EPB42: variants seen among roughly 807,000 people sequenced by gnomAD.
The protein encoded by EPB42 is erythrocyte membrane protein band 4.2.
Under a neutral mutation model 76.9 loss-of-function variants are expected in EPB42, and 49 were observed. The observed-to-expected ratio is 0.64, with a 90% CI of 0.51 to 0.81. The LOEUF (loss-of-function observed/expected upper bound fraction) is 0.81. EPB42 is among the 30% of genes least tolerant of loss of function. The pLI, the probability that EPB42 is intolerant of heterozygous loss-of-function variation, is 0.00. For missense variants in EPB42, 731 were observed against 867.6 expected (o/e 0.84, Z 1.98); for synonymous variants, 310 against 338.4 (o/e 0.92, Z 0.92).
chr15:43,216,144 C>A, intron 2 of EPB42, 124 bp downstream of exon 2: 1 of 1,209,726 alleles, frequency 8.3e-7, no homozygotes. Flanking sequence ...GCCAGGTGGG[C>A]AGGACTTCTT....
chr15:43,211,653 G>C, intron 3 of EPB42, 119 bp from the exon 4 acceptor site: 1 of 774,062 alleles, frequency 1.3e-6, no homozygotes, highest in South Asian at 1.4e-5. Flanking sequence ...GTCAGCTCTG[G>C]GCCTAATGAA....
chr15:43,220,759 A>G (rs1045323901), intron 1 of EPB42, 57 bp downstream of exon 1: 1 of 1,611,604 alleles, frequency 6.2e-7, no homozygotes, highest in Non-Finnish European at 8.5e-7. Flanking sequence ...AAAACAGGTG[A>G]TGCTGCGGGG....
At position 43,206,083 on chromosome 15, in the gene EPB42, C is replaced by G. The variant is rs193178125; in HGVS notation, c.1618+247G>C. 43 of 484,164 alleles carry G rather than the reference C, an allele frequency of 8.9e-5. No individual in the cohort carries two copies. In the East Asian group the frequency reaches 1.4e-3, roughly 15 times the overall value. 30.0% of individuals were successfully genotyped at this position (484,164 alleles called of 1,614,324 possible). On this transcript the variant is annotated intron_variant, in intron 10 of 12. Coordinates refer to ENST00000441366, the MANE Select transcript of EPB42 (RefSeq NM_001114134.2). This position sits in a 1 kb window ranked among gnomAD's most constrained non-coding sequence, Gnocchi z 4.7. ...TGTACTCTGTTAAACTCAGCAAACACTTCTCACACTGCTACGAAGGGTCTG... is the reference window on the plus strand; with the variant it reads ...TGTACTCTGTTAAACTCAGCAAACAGTTCTCACACTGCTACGAAGGGTCTG...
At chr15:43,207,546 C>A in intron 8 of EPB42, 105 bp from the exon 9 acceptor site, 2 of 1,570,212 alleles carry the variant, frequency 1.3e-6, no homozygotes, top group South Asian at 1.1e-5. Flanking sequence ...TTTCCCTCCA[C>A]GAGGACCAAG....
rs530468563 is a variant in EPB42 at position 43,213,431 on chromosome 15, C to T, written c.430+1664G>A. Among the ~76,000 whole-genome samples, 8 of 152,272 alleles carry T rather than the reference C, an allele frequency of 5.3e-5. No individual in the cohort carries two copies. In the South Asian group the frequency reaches 8.3e-4, roughly 16 times the overall value. ...CAGATGAGCGGAGCCAATGACTCTC[C>T]CCTGCCCAGACAGAGACCTCCACCC... On this transcript the variant is annotated intron_variant, in intron 3 of 12. Coordinates refer to ENST00000441366, the MANE Select transcript of EPB42 (RefSeq NM_001114134.2).
intron 11 of EPB42, among the ~76,000 whole-genome samples, chr15:43,202,817 T>C (rs1049167234): frequency 6.6e-6 from 1 of 152,210 alleles, no homozygotes; most frequent in African/African-American, 2.4e-5. Flanking sequence ...CTGAAAATCC[T>C]CTGGCATGTG....
Position 43,203,109 on chromosome 15 carries a change from G to A in EPB42, c.1779+6C>T, listed in dbSNP as rs1486998414. 1 of 1,614,046 alleles carries A rather than the reference G, an allele frequency of 6.2e-7. No individual in the cohort carries two copies. Among genetic ancestry groups the A allele is most frequent in the African/African-American group, 1.3e-5 (1 of 75,026 alleles). On this transcript the variant is annotated splice_donor_region_variant and intron_variant, in intron 11 of 12. Coordinates refer to ENST00000441366, the MANE Select transcript of EPB42 (RefSeq NM_001114134.2). ...GAGGGCAACTCAGGGGAGGACTGGT[G>A]CCTACCTTGATGGCAAGGTGTGGTC... is the stretch of plus-strand genomic sequence containing the variant.
Position 43,216,445 on chromosome 15 carries a change from T to C in EPB42, c.19A>G (p.Ile7Val), listed in dbSNP as rs1316993709. The change falls in exon 2 of 13, where the codon ATC becomes GTC. Residue 7 changes from isoleucine (I) to valine (V), a missense_variant. Physicochemically the swap from Ile to Val is conservative, Grantham distance 29 (BLOSUM62 3). Transcript: ENST00000441366. ...GCTGCCTGAAAGTCACAGCTCTTGA[T>C]ACCCAGGGCTGTTGTGGGAAAGAGA... Reference protein sequence around the residue: MGQALGIKSCDFQAARN... With the variant: MGQALGVKSCDFQAARN... 2 of 1,614,052 alleles carry C rather than the reference T, an allele frequency of 1.2e-6. No individual in the cohort carries two copies. The highest frequency in any genetic ancestry group is 2.7e-5 in the African/African-American group (2 of 74,928).
In EPB42 at chr15:43,203,298, T is replaced by A. The variant is rs775989765; in HGVS notation, c.1619-23A>T. 18 of 1,613,538 alleles carry A rather than the reference T, an allele frequency of 1.1e-5. No homozygotes were observed. The South Asian group carries it at 1.6e-4, about 15-fold the overall frequency. On this transcript the variant is annotated intron_variant, in intron 10 of 12. Transcript: ENST00000441366. ...TTTCTGAAACACATGACAGGTGGAG[T>A]CAGTGGCAACAGGTGTATGTACCCC...
rs76053012 is a variant in EPB42 at position 43,207,560 on chromosome 15, A to G, written c.1076-119T>C. On this transcript the variant is annotated intron_variant, in intron 8 of 12. Coordinates refer to ENST00000441366, the MANE Select transcript of EPB42 (RefSeq NM_001114134.2). ...TTTTCCCTCCACGAGGACCAAGGTC[A>G]GAGGTGAGCACTAGGCAGGGTTTCT... 3,512 of 1,501,282 alleles carry G rather than the reference A, an allele frequency of 2.3e-3. 67 individuals are homozygous for G. The African/African-American group carries it at 0.04, about 17-fold the overall frequency. 93.0% of individuals were successfully genotyped at this position (1,501,282 alleles called of 1,614,324 possible).
intron 1 of EPB42, 96 bp downstream of exon 1, chr15:43,220,719 CG>C: frequency 6.2e-7 from 1 of 1,610,790 alleles, no homozygotes. Context: ...ACCATCTCCC[CG>C]CCTACCATCC....
chr15:43,223,208 T>C (rs2042477881), upstream of EPB42, among the ~76,000 whole-genome samples: 1 of 152,086 alleles, frequency 6.6e-6, no homozygotes, highest in African/African-American at 2.4e-5. Flanking sequence ...TCCCAGCTAC[T>C]TGGGAGGCTG....
rs1388508292 is a variant in EPB42 at position 43,201,141 on chromosome 15, G to A, written c.1913+703C>T. Among the ~76,000 whole-genome samples the A allele has an allele frequency of 3.3e-5, 5 of 152,198 alleles. No homozygotes were observed. The East Asian group carries it at 9.6e-4, about 29-fold the overall frequency. On this transcript the variant is annotated intron_variant, in intron 12 of 12. Coordinates refer to ENST00000441366, the MANE Select transcript of EPB42 (RefSeq NM_001114134.2). ...CCAAATTTTCAAACAAGTATATAAG[G>A]AGACTTGTGTGAGGATGTGCACTGC...
chr15:43,209,141 T>C, intron 6 of EPB42, 133 bp downstream of exon 6: 3 of 1,078,678 alleles, frequency 2.8e-6, no homozygotes, highest in African/African-American at 3.1e-5. Flanking sequence ...CTGGGACAAC[T>C]ACTTCTGTGT....
chr15:43,225,090 G>A (rs1187313594), upstream of EPB42, among the ~76,000 whole-genome samples: 1 of 152,212 alleles, frequency 6.6e-6, no homozygotes, highest in African/African-American at 2.4e-5. Flanking sequence ...GTATTGTTAA[G>A]TGGAATAAGC....
At chr15:43,201,816 G>A in intron 12 of EPB42, 28 bp downstream of exon 12, 1 of 1,614,170 alleles carries the variant, frequency 6.2e-7, no homozygotes, top group Non-Finnish European at 8.5e-7. Flanking sequence ...AGACATTTCA[G>A]GGGGATGAGA....
chr15:43,208,149 T>G, intron 8 of EPB42, 81 bp downstream of exon 8: 1 of 1,266,368 alleles, frequency 7.9e-7, no homozygotes, highest in Admixed American at 1.8e-5. Flanking sequence ...CCCTTGGGAC[T>G]GCCTGCTGCT....
At position 43,210,415 on chromosome 15, in the gene EPB42, T is replaced by C; in HGVS notation, c.574A>G (p.Ser192Gly). The C allele has an allele frequency of 1.9e-6, 3 of 1,613,806 alleles. No homozygotes were observed. The highest frequency in any genetic ancestry group is 2.5e-6 in the Non-Finnish European group (3 of 1,179,956). ...GQFEGDVIDL[S>G]LRLLSKDKQV... ...TTGTCCTTGCTCAGCAAGCGCAGGC[T>C]GAGGTCAATGACATCCCCCTCGAAC... The change falls in exon 5 of 13, where the codon AGC becomes GGC. Residue 192 changes from serine (S) to glycine (G), a missense_variant. By Grantham distance (56) the Ser-to-Gly change is moderately conservative. Coordinates refer to ENST00000441366, the MANE Select transcript of EPB42 (RefSeq NM_001114134.2).
chr15:43,224,851 A>C (rs1415424417), upstream of EPB42, among the ~76,000 whole-genome samples: 1 of 152,250 alleles, frequency 6.6e-6, no homozygotes, highest in African/African-American at 2.4e-5. Context: ...ATCATGGCTC[A>C]CTGCAGCCTC....
Sources: gnomAD v4.1 joint callset for allele counts (sites outside exome capture counted in the v4.1 genomes callset) on GRCh38, gnomAD v4.1.1 for gene constraint, Gnocchi (gnomAD v3.1) non-coding constraint, MANE v1.5 for transcripts, NCBI Gene and HGNC (gene_info 2026-07-23, HGNC 2026-07-21) for gene names.